IGFL2: variants seen among roughly 807,000 people sequenced by gnomAD.
IGFL2 encodes insulin growth factor-like family member 2.
Under a neutral mutation model 13.9 loss-of-function variants are expected in IGFL2, and 7 were observed. The ratio of observed to expected loss-of-function variants is 0.51; its 90% confidence interval spans 0.29 to 0.95. The LOEUF (loss-of-function observed/expected upper bound fraction) is 0.95, where lower values mean the gene tolerates loss of function less well. Ranked by LOEUF, IGFL2 falls within the 40% of genes least tolerant of loss-of-function variation. The pLI, the probability that IGFL2 is intolerant of heterozygous loss-of-function variation, is 0.08. For missense variants in IGFL2, 138 were observed against 147.8 expected (o/e 0.93, Z 0.34); for synonymous variants, 55 against 55.8 (o/e 0.99, Z 0.07).
chr19:46,152,452 T>C (rs529210136), intron 1 of IGFL2, among the ~76,000 whole-genome samples: 7 of 152,206 alleles, frequency 4.6e-5, no homozygotes, highest in African/African-American at 1.7e-4. Context: ...AATTTTTTTA[T>C]GTTTTTATTT....
the IGFL2 span, among the ~76,000 whole-genome samples, chr19:46,106,320 G>C: frequency 1.3e-5 from 2 of 152,114 alleles, no homozygotes; most frequent in Non-Finnish European, 2.9e-5. Flanking sequence ...TAAAGGAGAA[G>C]GTTGTCAAAA....
At chr19:46,209,456 C>A in the IGFL2 span, 13 of 152,334 alleles carry the variant, frequency 8.5e-5, no homozygotes, top group African/African-American at 3.1e-4. Context: ...ATGTCCAGGG[C>A]TGCAGGAGCC....
the IGFL2 span, among the ~76,000 whole-genome samples, chr19:46,166,389 T>G: frequency 6.6e-6 from 1 of 152,250 alleles, no homozygotes; most frequent in African/African-American, 2.4e-5. Context: ...TGAATAGGTG[T>G]GGGTGACAGA....
chr19:46,200,207 CA>C, the IGFL2 span, among the ~76,000 whole-genome samples: 5 of 151,178 alleles, frequency 3.3e-5, no homozygotes, highest in Admixed American at 1.3e-4. Flanking sequence ...CTCGTTCTGT[CA>C]CCCAGGCTGC....
the IGFL2 span, among the ~76,000 whole-genome samples, chr19:46,134,933 C>T: frequency 6.6e-6 from 1 of 152,192 alleles, no homozygotes; most frequent in Non-Finnish European, 1.5e-5. Flanking sequence ...GTGCATAATA[C>T]TGAGAAGAGG....
upstream of IGFL2, among the ~76,000 whole-genome samples, chr19:46,146,872 A>T (rs1396246551): frequency 6.6e-6 from 1 of 152,190 alleles, no homozygotes; most frequent in Non-Finnish European, 1.5e-5. Context: ...ACCTCTCCTG[A>T]TCTCTGTCTC....
chr19:46,123,811 A>AG, the IGFL2 span: 1 of 1,463,650 alleles, frequency 6.8e-7, no homozygotes, highest in African/African-American at 1.5e-5. Context: ...CACAAACAGG[A>AG]GTTCCTCTTC....
At chr19:46,122,879 T>C in the IGFL2 span, among the ~76,000 whole-genome samples, 8 of 150,918 alleles carry the variant, frequency 5.3e-5, no homozygotes, top group Non-Finnish European at 1.2e-4. Context: ...ATTCCTAGTC[T>C]ACTTGATTAA....
chr19:46,086,776 A>T, the IGFL2 span, among the ~76,000 whole-genome samples: 3 of 152,074 alleles, frequency 2.0e-5, no homozygotes, highest in African/African-American at 4.8e-5. Flanking sequence ...ATTTGCTCTC[A>T]TGGGGAGGAT....
the IGFL2 span, among the ~76,000 whole-genome samples, chr19:46,095,258 T>C: frequency 6.6e-6 from 1 of 152,378 alleles, no homozygotes; most frequent in South Asian, 2.1e-4. Flanking sequence ...GTGATTTTGA[T>C]TTGCATTTCT....
At chr19:46,149,676 A>G (rs1231080061) in intron 1 of IGFL2, among the ~76,000 whole-genome samples, 1 of 152,060 alleles carries the variant, frequency 6.6e-6, no homozygotes, top group Non-Finnish European at 1.5e-5. Context: ...TAATGTTTTC[A>G]AGGCATATCC....
At chr19:46,136,946 G>A in the IGFL2 span, 2 of 1,229,970 alleles carry the variant, frequency 1.6e-6, no homozygotes, top group African/African-American at 3.0e-5. Context: ...CTGTAAAGTT[G>A]TTGGCTGCTA....
At chr19:46,088,478 A>G in the IGFL2 span, among the ~76,000 whole-genome samples, 1 of 152,168 alleles carries the variant, frequency 6.6e-6, no homozygotes, top group East Asian at 1.9e-4. Flanking sequence ...TAACATATAT[A>G]TTTACACTTC....
the IGFL2 span, among the ~76,000 whole-genome samples, chr19:46,125,297 T>C: frequency 6.6e-6 from 1 of 152,342 alleles, no homozygotes; most frequent in African/African-American, 2.4e-5. Flanking sequence ...TTCAGAGACC[T>C]CCAGCATCTT....
the IGFL2 span, among the ~76,000 whole-genome samples, chr19:46,109,474 C>T: frequency 6.6e-6 from 1 of 152,016 alleles, no homozygotes; most frequent in Non-Finnish European, 1.5e-5. Context: ...GCCACCACAC[C>T]CAGCTAATTT....
At chr19:46,166,627 CTG>C in the IGFL2 span, among the ~76,000 whole-genome samples, 1 of 152,154 alleles carries the variant, frequency 6.6e-6, no homozygotes, top group Non-Finnish European at 1.5e-5. Flanking sequence ...CTATGGGAGA[CTG>C]GAGTTTATTT....
chr19:46,183,914 C>T, the IGFL2 span, among the ~76,000 whole-genome samples: 192 of 152,304 alleles, frequency 1.3e-3, no homozygotes, highest in African/African-American at 4.5e-3. Context: ...CCATGCTTCT[C>T]TAATTTCTCC....
chr19:46,194,846 ATATATATTTTTTTTTTT>A, the IGFL2 span, among the ~76,000 whole-genome samples: 9 of 34,888 alleles, frequency 2.6e-4, no homozygotes, highest in African/African-American at 7.2e-4. Context: ...ATATATATAT[ATATATATTTTTTTTTTT>A]TTTTTTTTTT....
the IGFL2 span, among the ~76,000 whole-genome samples, chr19:46,182,007 C>G: frequency 6.6e-6 from 1 of 152,100 alleles, no homozygotes; most frequent in Non-Finnish European, 1.5e-5. Context: ...AACAATTTCC[C>G]TGAACTTTTG....
Sources: allele counts gnomAD v4.1 joint callset (sites outside exome capture counted in the v4.1 genomes callset), GRCh38; gene constraint gnomAD v4.1.1; transcripts MANE v1.5; gene names NCBI Gene and HGNC (gene_info 2026-07-23, HGNC 2026-07-21).